Variants in MID1 observed in about 807,000 individuals in gnomAD.
MID1 encodes the protein E3 ubiquitin-protein ligase Midline-1.
In MID1, 7 loss-of-function variants were observed where a neutral mutation model predicts 40.4. The observed-to-expected ratio is 0.17, with a 90% CI of 0.10 to 0.33. The LOEUF is 0.33. Ranked by LOEUF, MID1 falls within the 10% of genes least tolerant of loss-of-function variation. MID1 has a pLI of 1.00. For missense variants in MID1, 367 were observed against 558.5 expected (o/e 0.66, Z 3.46); for synonymous variants, 229 against 221.2 (o/e 1.04, Z -0.31).
At chrX:10,635,221 A>G (rs1205304356) in intron 1 of MID1, among the ~76,000 whole-genome samples, 1 of 112,291 alleles carries the variant, frequency 8.9e-6, no homozygotes, top group Non-Finnish European at 1.9e-5. Flanking sequence ...AATATGCTCC[A>G]GTTGACATAC....
chrX:10,479,828 A>G (rs1930217725), intron 5 of MID1, among the ~76,000 whole-genome samples: 1 of 111,853 alleles, frequency 8.9e-6, no homozygotes, highest in African/African-American at 3.3e-5. Context: ...TCTTCTATAT[A>G]CTGATTTCGT....
intron 6 of MID1, among the ~76,000 whole-genome samples, chrX:10,473,977 C>T (rs961270695): frequency 1.8e-5 from 2 of 112,116 alleles, no homozygotes; most frequent in African/African-American, 6.5e-5. Context: ...AGGAAGCACA[C>T]TGAAACACAG....
chrX:10,669,406 A>C (rs1271096998), intron 1 of MID1, among the ~76,000 whole-genome samples: 2 of 111,281 alleles, frequency 1.8e-5, no homozygotes, highest in African/African-American at 6.5e-5. Flanking sequence ...TAAAAACATT[A>C]TTTTAAATGC....
At chrX:10,679,968 A>G (rs2147068912) in intron 1 of MID1, among the ~76,000 whole-genome samples, 1 of 112,567 alleles carries the variant, frequency 8.9e-6, no homozygotes, top group South Asian at 3.7e-4. Flanking sequence ...GGTAATACAC[A>G]CACGTAATTA....
intron 1 of MID1, among the ~76,000 whole-genome samples, chrX:10,809,206 T>C (rs1260645046): frequency 5.1e-4 from 57 of 111,564 alleles, no homozygotes; most frequent in Non-Finnish European, 7.0e-4. Flanking sequence ...ATCAGAGAAA[T>C]GCAAATCAAA....
chrX:10,754,309 G>GTTTTTTTTTTTTTTTTTTTTTTT (rs200251008), intron 1 of MID1, among the ~76,000 whole-genome samples: 1 of 104,584 alleles, frequency 9.6e-6, no homozygotes, highest in African/African-American at 4.0e-5. Context: ...GTTTTTTTTT[G>GTTTTTTTTTTTTTTTTTTTTTTT]TTTTTTGTTT....
intron 3 of MID1, chrX:10,506,138 T>C (rs373909888): frequency 9.2e-6 from 8 of 865,837 alleles, no homozygotes; most frequent in African/African-American, 6.4e-5. Flanking sequence ...AGTGAGTAGA[T>C]TGATTTTTAA....
chrX:10,614,424 A>T (rs181828226), intron 1 of MID1, among the ~76,000 whole-genome samples: 58 of 112,252 alleles, frequency 5.2e-4, no homozygotes, highest in African/African-American at 1.9e-3. Flanking sequence ...TGCCAAAGGC[A>T]TGGCCCTGCC....
At chrX:10,539,797 T>C (rs192874085) in intron 2 of MID1, among the ~76,000 whole-genome samples, 5 of 112,657 alleles carry the variant, frequency 4.4e-5, no homozygotes, top group African/African-American at 1.6e-4. Flanking sequence ...CAGGCTGGAG[T>C]ACAGTGGTGT....
intron 2 of MID1, among the ~76,000 whole-genome samples, chrX:10,554,560 T>C (rs767927067): frequency 8.9e-6 from 1 of 112,048 alleles, no homozygotes; most frequent in South Asian, 3.7e-4. Flanking sequence ...GTTACATGCA[T>C]AGAATCTGTA....
At chrX:10,589,543 C>G (rs1481044245) in intron 1 of MID1, 1 of 112,111 alleles carries the variant, frequency 8.9e-6, no homozygotes, top group Non-Finnish European at 1.9e-5. Flanking sequence ...TCAGACCACG[C>G]TTCCACACAA....
chrX:10,728,070 GGTTTCTGTGTAAGTGAAGT>G lies in MID1; in HGVS notation c.-187+105465_-187+105483del, dbSNP rs1185616014. On this transcript the variant is annotated intron_variant, in intron 1 of 10. Transcript: ENST00000380785. ...GGACCATCTTCTGCACATGGTAACT[GGTTTCTGTGTAAGTGAAGT>G]GTTTCTGTGTAAGTGAAGTGTTTAT... 3.6e-5 allele frequency among the ~76,000 whole-genome samples: 4 copies of G among 111,949 alleles called. No individual in the cohort carries two copies. The Admixed American group carries it at 3.8e-4, about 11-fold the overall frequency.
At chrX:10,763,114 T>C (rs915363721) in intron 1 of MID1, among the ~76,000 whole-genome samples, 1 of 108,910 alleles carries the variant, frequency 9.2e-6, no homozygotes, top group Admixed American at 9.7e-5. Flanking sequence ...ATAGACAATA[T>C]GTATAGAAAT....
chrX:10,822,857 C>A (rs1484877161), intron 1 of MID1, among the ~76,000 whole-genome samples: 1 of 112,031 alleles, frequency 8.9e-6, no homozygotes, highest in Non-Finnish European at 1.9e-5. Flanking sequence ...AAAAGGAAGA[C>A]TTTTACACTG....
At position 10,567,343 on chromosome X, in the gene MID1, C is replaced by T; in HGVS notation, c.205G>A (p.Gly69Ser). 8.4e-7 allele frequency: 1 copy of T among 1,195,565 alleles called. No individual in the cohort carries two copies. Among genetic ancestry groups the T allele is most frequent in the Non-Finnish European group, 1.1e-6 (1 of 886,050 alleles). Residue 69 changes from glycine to serine, a missense_variant, in exon 2 of 10, where the codon GGT becomes AGT. By Grantham distance (56) the Gly-to-Ser change is moderately conservative (BLOSUM62 0). Coordinates refer to ENST00000317552, the MANE Select transcript of MID1 (RefSeq NM_000381.4). ...ACGTTGCGCTTGAGCCCGTCTAGAC[C>T]TCGCTGGCTGAGGGTGATGACATGC... Reference protein sequence around the residue: ...CRHVITLSQRGLDGLKRNVTL... With the variant: ...CRHVITLSQRSLDGLKRNVTL...
chrX:10,628,158 GT>G lies in MID1; in HGVS notation c.-186-7740del, dbSNP rs1241849195. Among the ~76,000 whole-genome samples, 343 of 106,601 alleles carry G rather than the reference GT, an allele frequency of 3.2e-3. 3 individuals are homozygous for G. Among genetic ancestry groups the G allele is most frequent in the African/African-American group, 0.011 (326 of 29,424 alleles). The allele number at this position is 106,601 out of a possible 115,157, so 92.6% of individuals were successfully genotyped here. ...CTTATAACTAGGTAACTTGTCATAA[GT>G]TTTTTTTTTCTGTTGAGAACCACTT... On this transcript the variant is annotated intron_variant, in intron 1 of 10. Transcript: ENST00000380785.
chrX:10,776,089 C>T (rs1421739973), intron 1 of MID1, among the ~76,000 whole-genome samples: 1 of 111,858 alleles, frequency 8.9e-6, no homozygotes, highest in African/African-American at 3.2e-5. Context: ...ACAAAAAAAG[C>T]AATTCACCAT....
At chrX:10,564,838 TAACA>T (rs1325200873) in intron 2 of MID1, among the ~76,000 whole-genome samples, 4 of 110,977 alleles carry the variant, frequency 3.6e-5, no homozygotes, top group Non-Finnish European at 7.5e-5. Flanking sequence ...TGTGGTGTTT[TAACA>T]AACAATCATT....
chrX:10,735,136 C>G (rs1211344783), intron 1 of MID1, among the ~76,000 whole-genome samples: 4 of 112,237 alleles, frequency 3.6e-5, no homozygotes, highest in Non-Finnish European at 5.6e-5. Context: ...GAGTTTCACT[C>G]TTGTTGCCCA....
Sources: allele counts gnomAD v4.1 joint callset (sites outside exome capture counted in the v4.1 genomes callset), GRCh38; gene constraint gnomAD v4.1.1; transcripts MANE v1.5; gene names NCBI Gene and HGNC (gene_info 2026-07-23, HGNC 2026-07-21).